Variants in LCORL observed in about 807,000 individuals in gnomAD.
The protein encoded by LCORL is ligand-dependent nuclear receptor corepressor-like protein.
LCORL carries 41 observed loss-of-function variants against 141.8 expected under a neutral mutation model. That is an observed-to-expected ratio of 0.29 (90% CI 0.23 to 0.38). The LOEUF is 0.38. LCORL is among the 10% of genes least tolerant of loss of function. The probability of loss-of-function intolerance (pLI) is 1.00; values close to 1 mark genes in which losing one functional copy is unlikely to be tolerated. For synonymous variants in LCORL, 618 were observed against 694.1 expected (o/e 0.89, Z 1.72); for missense variants, 1,759 against 2,035.0 (o/e 0.86, Z 2.61).
At position 17,895,122 on chromosome 4, in the gene LCORL, A is replaced by G. The variant is rs532799444; in HGVS notation, c.683-8961T>C. ...ATACATGTATACATGTACACATTGTACAGTAATCAGTGTAATTAGCATATT... is the reference window on the plus strand; with the variant it reads ...ATACATGTATACATGTACACATTGTGCAGTAATCAGTGTAATTAGCATATT... On this transcript the variant is annotated intron_variant, in intron 5 of 7. Coordinates refer to ENST00000635767, the Ensembl canonical transcript of LCORL. Among the ~76,000 whole-genome samples the G allele has an allele frequency of 2.0e-5, 3 of 152,080 alleles. No individual in the cohort carries two copies. In the East Asian group the frequency reaches 5.8e-4, roughly 29 times the overall value.
At chr4:17,970,872 G>A (rs529101560) in intron 2 of LCORL, among the ~76,000 whole-genome samples, 62 of 152,284 alleles carry the variant, frequency 4.1e-4, no homozygotes, top group African/African-American at 7.7e-4. Context: ...TTATACATAT[G>A]AGAACCCAAA....
chr4:17,982,365 T>C (rs1339134663), intron 1 of LCORL, among the ~76,000 whole-genome samples: 1 of 152,202 alleles, frequency 6.6e-6, no homozygotes, highest in Admixed American at 6.5e-5. Flanking sequence ...CACAATGCTT[T>C]CCACAATGGT....
intron 1 of LCORL, among the ~76,000 whole-genome samples, chr4:18,016,679 G>T (rs1724690256): frequency 6.6e-6 from 1 of 151,938 alleles, no homozygotes; most frequent in South Asian, 2.1e-4. Flanking sequence ...TATATGGATT[G>T]GTGTTAAAAT....
chr4:17,889,249 G>A (rs1443583629), intron 5 of LCORL, among the ~76,000 whole-genome samples: 1 of 152,014 alleles, frequency 6.6e-6, no homozygotes, highest in African/African-American at 2.4e-5. Context: ...TTATACTTCT[G>A]ATTCTTTCTC....
At chr4:17,922,082 C>T (rs1010224130) in intron 4 of LCORL, among the ~76,000 whole-genome samples, 26 of 152,104 alleles carry the variant, frequency 1.7e-4, no homozygotes, top group Admixed American at 3.3e-4. Flanking sequence ...TGCAGACAGC[C>T]TATTGTGGGA....
At chr4:17,844,904 A>C (rs945254843) in exon 8 of LCORL, 9 of 152,090 alleles carry the variant, frequency 5.9e-5, no homozygotes, top group African/African-American at 2.2e-4. Flanking sequence ...AGACATAGTC[A>C]TGTAGCCATT....
chr4:17,954,034 G>C (rs1712048560), intron 4 of LCORL, among the ~76,000 whole-genome samples: 1 of 152,026 alleles, frequency 6.6e-6, no homozygotes, highest in South Asian at 2.1e-4. Context: ...GTGGTGGCGG[G>C]CGCCTGTAAT....
chr4:17,848,225 T>A (rs776956096), intron 7 of LCORL, among the ~76,000 whole-genome samples: 1 of 149,570 alleles, frequency 6.7e-6, no homozygotes, highest in Non-Finnish European at 1.5e-5. Context: ...TTAATTCATA[T>A]ATACTTAAAA....
intron 4 of LCORL, among the ~76,000 whole-genome samples, chr4:17,916,305 T>C (rs1040028371): frequency 3.9e-5 from 6 of 152,220 alleles, no homozygotes; most frequent in African/African-American, 1.4e-4. Flanking sequence ...TGGCAATAAC[T>C]GTTGTTTCAG....
At chr4:17,989,734 T>C (rs1719634753) in intron 1 of LCORL, among the ~76,000 whole-genome samples, 1 of 152,262 alleles carries the variant, frequency 6.6e-6, no homozygotes, top group Non-Finnish European at 1.5e-5. Context: ...ATTATTTATC[T>C]ACTGTGATAT....
chr4:17,990,115 T>TTC (rs1560450407), intron 1 of LCORL, among the ~76,000 whole-genome samples: 2 of 149,432 alleles, frequency 1.3e-5, no homozygotes, highest in African/African-American at 5.0e-5. Flanking sequence ...TTTTTTTTTT[T>TTC]TGAAATGGAG....
intron 7 of LCORL, among the ~76,000 whole-genome samples, chr4:17,867,842 A>T (rs1725871516): frequency 6.6e-6 from 1 of 152,214 alleles, no homozygotes; most frequent in South Asian, 2.1e-4. Flanking sequence ...AAGAAAAAAC[A>T]TCAAGACAAA....
At chr4:17,867,613 A>G (rs1250680894) in intron 7 of LCORL, among the ~76,000 whole-genome samples, 1 of 152,222 alleles carries the variant, frequency 6.6e-6, no homozygotes, top group East Asian at 1.9e-4. Flanking sequence ...TGCCAAAGTA[A>G]AAACTTGAAA....
At chr4:17,935,701 G>A (rs1244630544) in intron 4 of LCORL, among the ~76,000 whole-genome samples, 1 of 152,194 alleles carries the variant, frequency 6.6e-6, no homozygotes, top group African/African-American at 2.4e-5. Context: ...ACCAGAAGCA[G>A]ATGCTGGCAC....
chr4:17,895,981 TG>T (rs1729863017), intron 5 of LCORL, among the ~76,000 whole-genome samples: 1 of 152,214 alleles, frequency 6.6e-6, no homozygotes, highest in Non-Finnish European at 1.5e-5. Flanking sequence ...TTGGCTATTA[TG>T]AATAATGCTG....
chr4:18,021,685 G>C lies in LCORL; in HGVS notation c.67C>G (p.Gln23Glu). ...GCCGCGCACCGAGGGCTCCGGCACT[G>C]AGCGGCGGCGGCGGCGGCGGCAGCA... The change falls in exon 1 of 8, where the codon CAG (glutamine) becomes GAG (glutamate). Residue 23 changes from glutamine (Q) to glutamate (E), a missense_variant. This residue lies in a region of LCORL where 86 missense variants were observed against 61.8 expected (regional missense o/e 1.39). Coordinates refer to ENST00000635767, the Ensembl canonical transcript of LCORL. This position sits in a 1 kb window ranked among gnomAD's most constrained non-coding sequence, Gnocchi z 5.5. 6.5e-7 allele frequency: 1 copy of C among 1,534,956 alleles called. No homozygotes were observed. Among genetic ancestry groups the C allele is most frequent in the Non-Finnish European group, 8.8e-7 (1 of 1,139,936 alleles).
intron 5 of LCORL, among the ~76,000 whole-genome samples, chr4:17,902,869 TA>T (rs201163957): frequency 2.0e-5 from 3 of 151,596 alleles, no homozygotes; most frequent in South Asian, 2.1e-4. Context: ...TTGAAGTAAT[TA>T]AAAAAAAATC....
rs193206279 is a variant in LCORL at position 18,021,123 on chromosome 4, G to A, written c.154+475C>T. 0.025 allele frequency among the ~76,000 whole-genome samples: 3,771 copies of A among 152,014 alleles called. 153 individuals carry two copies. Among genetic ancestry groups the A allele is most frequent in the African/African-American group, 0.086 (3,578 of 41,486 alleles). On this transcript the variant is annotated intron_variant, in intron 1 of 7. Coordinates refer to ENST00000635767, the Ensembl canonical transcript of LCORL. The surrounding 1 kb of genome is among the most constrained non-coding windows in gnomAD (Gnocchi z 5.5). ...GGGAACTGGCCGCGTCTGCTCACCCGGCCCCCGGCGGCGACAAGGGGGTGT... is the reference window on the plus strand; with the variant it reads ...GGGAACTGGCCGCGTCTGCTCACCCAGCCCCCGGCGGCGACAAGGGGGTGT...
At chr4:17,900,563 G>C (rs1730709828) in intron 5 of LCORL, among the ~76,000 whole-genome samples, 3 of 151,992 alleles carry the variant, frequency 2.0e-5, no homozygotes, top group Admixed American at 2.0e-4. Flanking sequence ...TGATTCTTTT[G>C]TAAAATTATG....
Sources: allele counts gnomAD v4.1 joint callset (sites outside exome capture counted in the v4.1 genomes callset), GRCh38; gene constraint gnomAD v4.1.1; regional missense constraint gnomAD v4.1.1; non-coding constraint Gnocchi (gnomAD v3.1); transcripts MANE v1.5; gene names NCBI Gene and HGNC (gene_info 2026-07-23, HGNC 2026-07-21).